PLD5: variants seen among roughly 807,000 people sequenced by gnomAD.
PLD5 encodes the protein phospholipase D family member 5.
A neutral mutation model predicts 61.1 loss-of-function variants in PLD5; 36 were observed. The ratio of observed to expected loss-of-function variants is 0.59; its 90% CI spans 0.45 to 0.78. PLD5 has a LOEUF of 0.78. Ranked by LOEUF, PLD5 falls within the 30% of genes least tolerant of loss-of-function variation. PLD5 has a pLI of 0.00. For synonymous variants in PLD5, 243 were observed against 242.8 expected, an observed-to-expected ratio of 1.00 and a Z score of -0.01; for missense variants, 515 against 644.4, an observed-to-expected ratio of 0.80 and a Z score of 2.17.
intron 1 of PLD5, among the ~76,000 whole-genome samples, chr1:242,433,395 T>C (rs1329690338): frequency 5.3e-5 from 8 of 152,336 alleles, no homozygotes; most frequent in Middle Eastern, 3.4e-3. Context: ...GGAACTCATT[T>C]AATCTTAGGA....
At chr1:242,391,512 GAGGGAGACATC>G (rs1662931064) in intron 1 of PLD5, among the ~76,000 whole-genome samples, 1 of 152,138 alleles carries the variant, frequency 6.6e-6, no homozygotes, top group Non-Finnish European at 1.5e-5. Context: ...TATAGGAGGA[GAGGGAGACATC>G]AGGAAGTTAA....
intron 8 of PLD5, among the ~76,000 whole-genome samples, chr1:242,102,870 A>G (rs888554815): frequency 6.6e-6 from 1 of 152,346 alleles, no homozygotes; most frequent in South Asian, 2.1e-4. Context: ...GTGACCATCT[A>G]TGATCAAAAA....
intron 2 of PLD5, among the ~76,000 whole-genome samples, chr1:242,328,075 AAAAAC>A (rs1187630400): frequency 1.3e-5 from 2 of 152,158 alleles, no homozygotes; most frequent in Non-Finnish European, 2.9e-5. Context: ...CCCTGCTGCT[AAAAAC>A]AAAACAAAAC....
intron 1 of PLD5, among the ~76,000 whole-genome samples, chr1:242,470,587 C>T (rs930809450): frequency 5.9e-5 from 9 of 152,086 alleles, no homozygotes; most frequent in South Asian, 2.1e-4. Flanking sequence ...TAGAGTCTAG[C>T]CACATAATAG....
chr1:242,444,878 G>A (rs563160460), intron 1 of PLD5, among the ~76,000 whole-genome samples: 15 of 151,580 alleles, frequency 9.9e-5, no homozygotes, highest in African/African-American at 3.1e-4. Context: ...ATATATTAAA[G>A]AGATGAGACC....
At chr1:242,190,369 A>G (rs1156381082) in intron 5 of PLD5, among the ~76,000 whole-genome samples, 1 of 151,106 alleles carries the variant, frequency 6.6e-6, no homozygotes, top group Admixed American at 6.6e-5. Flanking sequence ...GATGGTCTCG[A>G]TCTCCTGACC....
At chr1:242,126,965 A>G (rs887682007) in intron 5 of PLD5, among the ~76,000 whole-genome samples, 7 of 150,770 alleles carry the variant, frequency 4.6e-5, no homozygotes, top group African/African-American at 1.7e-4. Flanking sequence ...AGCAAGAAAA[A>G]AACAACCCCA....
At chr1:242,190,178 C>G (rs1426285662) in intron 5 of PLD5, among the ~76,000 whole-genome samples, 3 of 134,472 alleles carry the variant, frequency 2.2e-5, no homozygotes, top group Non-Finnish European at 4.6e-5. Context: ...CGGAGTCTCG[C>G]TCTGTCGCCC....
chr1:242,294,170 G>A (rs1324658751), intron 2 of PLD5, among the ~76,000 whole-genome samples: 7 of 152,098 alleles, frequency 4.6e-5, no homozygotes, highest in Non-Finnish European at 2.9e-5. Flanking sequence ...GGGGAAAACT[G>A]GATATATAGG....
chr1:242,344,248 C>T (rs1248494112), intron 2 of PLD5, among the ~76,000 whole-genome samples: 6 of 152,172 alleles, frequency 3.9e-5, no homozygotes, highest in Admixed American at 6.5e-5. Context: ...TTCTCGTTAT[C>T]GCACCTACAG....
chr1:242,138,210 C>A (rs1326555381), intron 5 of PLD5, among the ~76,000 whole-genome samples: 1 of 152,060 alleles, frequency 6.6e-6, no homozygotes, highest in Non-Finnish European at 1.5e-5. Flanking sequence ...ACATACAAGG[C>A]ACTGTATTAA....
chr1:242,250,919 G>A (rs1672663706), intron 4 of PLD5, among the ~76,000 whole-genome samples: 1 of 152,196 alleles, frequency 6.6e-6, no homozygotes, highest in Non-Finnish European at 1.5e-5. Context: ...TGTTAAGACT[G>A]CACATGTAGA....
intron 1 of PLD5, among the ~76,000 whole-genome samples, chr1:242,453,695 C>G (rs1666858659): frequency 6.6e-6 from 1 of 152,122 alleles, no homozygotes; most frequent in African/African-American, 2.4e-5. Flanking sequence ...TGTAGGGCTC[C>G]CCTTTAGGAT....
At position 242,489,262 on chromosome 1, in the gene PLD5, T is replaced by G. The variant is rs567509652; in HGVS notation, c.189+34826A>C. ...CATCATCCGTCCCTTTTTGGGGTGA[T>G]GGAGGCATTATATATCTTGATTGAG... On this transcript the variant is annotated intron_variant, in intron 1 of 9. Transcript: ENST00000536534. Among the ~76,000 whole-genome samples, 6 of 152,076 alleles carry G rather than the reference T, an allele frequency of 3.9e-5. No homozygotes were observed. The South Asian group carries it at 1.2e-3, about 32-fold the overall frequency.
chr1:242,124,492 T>A lies in PLD5; in HGVS notation c.909A>T (p.Glu303Asp). 6.2e-7 allele frequency: 1 copy of A among 1,614,054 alleles called. No individual in the cohort carries two copies. Among genetic ancestry groups the A allele is most frequent in the South Asian group, 1.1e-5 (1 of 91,066 alleles). The change falls in exon 6 of 10, where the codon GAA becomes GAT. Residue 303 changes from glutamate to aspartate, a missense_variant. Physicochemically the swap from Glu to Asp is conservative, Grantham distance 45. This residue lies in a region of PLD5 where 450 missense variants were observed against 598.1 expected (regional missense o/e 0.75). Coordinates refer to ENST00000536534, the MANE Select transcript of PLD5 (RefSeq NM_001372062.1). ...NEKKLQLQLN[E>D]TKSQAFVSNS... ...CCGATACAAATGCTTGAGATTTGGT[T>A]TCATTCAACTGAAGTTGCAATTTCT...
intron 1 of PLD5, among the ~76,000 whole-genome samples, chr1:242,397,784 C>CTT (rs749006053): frequency 5.5e-4 from 41 of 74,588 alleles, no homozygotes; most frequent in African/African-American, 1.9e-3. Context: ...TCTTCTTCTT[C>CTT]TTTTTTTTTT....
chr1:242,107,361 G>C (rs755441484), intron 8 of PLD5, among the ~76,000 whole-genome samples: 1 of 151,988 alleles, frequency 6.6e-6, no homozygotes. Flanking sequence ...GCAGTGAGCC[G>C]GGATTGTGCT....
At chr1:242,362,860 A>G (rs138268239) in intron 1 of PLD5, among the ~76,000 whole-genome samples, 2,734 of 152,168 alleles carry the variant, frequency 0.018, 38 homozygotes, top group Non-Finnish European at 0.028. Context: ...CTCGCTGTAC[A>G]TATTGGTAAC....
At chr1:242,310,335 T>TTCCCAGAAAGACCAGTGGGATTCTTTTA in intron 2 of PLD5, among the ~76,000 whole-genome samples, 1 of 152,176 alleles carries the variant, frequency 6.6e-6, no homozygotes, top group East Asian at 1.9e-4. Context: ...CCTGGATATC[T>TTCCCAGAAAGACCAGTGGGATTCTTTTA]TCCCAGAAAG....
Sources: gnomAD v4.1 joint callset for allele counts (sites outside exome capture counted in the v4.1 genomes callset) on GRCh38, gnomAD v4.1.1 for gene constraint, gnomAD v4.1.1 regional missense constraint, MANE v1.5 for transcripts, NCBI Gene and HGNC (gene_info 2026-07-23, HGNC 2026-07-21) for gene names.